Variants in DLGAP2 observed in about 807,000 individuals in gnomAD.
DLGAP2 encodes DLG associated protein 2.
Under a neutral mutation model 100.3 loss-of-function variants are expected in DLGAP2, and 26 were observed. The observed-to-expected ratio is 0.26, with a 90% CI of 0.19 to 0.36. DLGAP2 has a LOEUF of 0.36. DLGAP2 is among the 10% of genes least tolerant of loss of function. The pLI, the probability that DLGAP2 is intolerant of heterozygous loss-of-function variation, is 1.00. For missense variants in DLGAP2, 1,858 were observed against 1,453.2 expected (o/e 1.28, Z -4.53); for synonymous variants, 886 against 630.1 (o/e 1.41, Z -6.08).
At chr8:1,289,776 C>T (rs913260779) in intron 3 of DLGAP2, among the ~76,000 whole-genome samples, 1 of 152,226 alleles carries the variant, frequency 6.6e-6, no homozygotes, top group Non-Finnish European at 1.5e-5. Context: ...AGGAATTGCT[C>T]TGCTGCGGAC....
chr8:826,813 A>G (rs1488497055), intron 1 of DLGAP2, among the ~76,000 whole-genome samples: 3 of 151,050 alleles, frequency 2.0e-5, no homozygotes. Context: ...TTCTTCTTAG[A>G]CCTTTGTCAT....
At chr8:976,732 C>G (rs1172032132) in intron 2 of DLGAP2, among the ~76,000 whole-genome samples, 1 of 152,122 alleles carries the variant, frequency 6.6e-6, no homozygotes, top group African/African-American at 2.4e-5. Flanking sequence ...AACTGGACAT[C>G]TACATGCAAG....
chr8:883,986 C>T lies in DLGAP2; in HGVS notation c.19-23926C>T, dbSNP rs2128994153. ...GACATGATCTCTTTGCTTTTTATAG[C>T]TGCATAGTATTCCATGGTGTATATG... On this transcript the variant is annotated intron_variant, in intron 1 of 14. Coordinates refer to ENST00000637795, the MANE Select transcript of DLGAP2 (RefSeq NM_001346810.2). Among the ~76,000 whole-genome samples, 2 of 152,338 alleles carry T rather than the reference C, an allele frequency of 1.3e-5. 1 individual carries two copies. Among genetic ancestry groups the T allele is most frequent in the South Asian group, 4.1e-4 (2 of 4,828 alleles).
At chr8:877,766 C>T (rs929838254) in intron 1 of DLGAP2, among the ~76,000 whole-genome samples, 3 of 152,172 alleles carry the variant, frequency 2.0e-5, no homozygotes, top group Non-Finnish European at 4.4e-5. Context: ...TAGGTTTAAG[C>T]TTCTTCATAT....
intron 3 of DLGAP2, among the ~76,000 whole-genome samples, chr8:1,490,707 G>A (rs563873425): frequency 3.3e-4 from 50 of 152,298 alleles, no homozygotes; most frequent in African/African-American, 1.2e-3. Context: ...ACTGTCAAAT[G>A]AACTGACCTG....
chr8:743,668 A>G (rs1239201981), intron 1 of DLGAP2, among the ~76,000 whole-genome samples: 1 of 152,156 alleles, frequency 6.6e-6, no homozygotes. Flanking sequence ...GGCTCAAGCG[A>G]TCTTCCCACC....
intron 12 of DLGAP2, 103 bp downstream of exon 12, chr8:1,678,732 C>G (rs1798872521): frequency 1.6e-6 from 2 of 1,248,536 alleles, no homozygotes; most frequent in Non-Finnish European, 2.1e-6. Flanking sequence ...CTTTGGTATT[C>G]AAGTGAAGGG....
At chr8:824,458 C>T (rs1163286314) in intron 1 of DLGAP2, among the ~76,000 whole-genome samples, 5 of 152,148 alleles carry the variant, frequency 3.3e-5, no homozygotes, top group East Asian at 1.9e-4. Flanking sequence ...AATGAGGGAG[C>T]GCGTTGGCTT....
At chr8:1,536,150 G>C (rs529415693) in intron 4 of DLGAP2, among the ~76,000 whole-genome samples, 16 of 152,314 alleles carry the variant, frequency 1.1e-4, no homozygotes, top group African/African-American at 3.6e-4. Flanking sequence ...CAGGAGAACT[G>C]TTGGTTGATG....
chr8:1,053,369 C>G (rs531376697), intron 2 of DLGAP2, among the ~76,000 whole-genome samples: 8 of 152,166 alleles, frequency 5.3e-5, no homozygotes, highest in African/African-American at 1.7e-4. Context: ...ACAGGCAGTA[C>G]AAGTGATGAG....
chr8:1,664,212 G>C (rs1373859527), intron 8 of DLGAP2, among the ~76,000 whole-genome samples: 3 of 152,132 alleles, frequency 2.0e-5, no homozygotes, highest in Non-Finnish European at 4.4e-5. Flanking sequence ...CGTGTCACCT[G>C]GCCCTTCCTG....
At chr8:1,490,382 A>C (rs765924380) in intron 3 of DLGAP2, among the ~76,000 whole-genome samples, 1 of 152,266 alleles carries the variant, frequency 6.6e-6, no homozygotes, top group Non-Finnish European at 1.5e-5. Context: ...TCAGGTGCAG[A>C]AAATTCAGAC....
intron 2 of DLGAP2, chr8:1,248,675 T>A (rs1000034194): frequency 3.7e-5 from 4 of 106,672 alleles, no homozygotes; most frequent in Non-Finnish European, 8.1e-5. Flanking sequence ...GGGTAATGGC[T>A]GAGTTCAGGG....
At chr8:1,182,557 C>T (rs567788669) in intron 2 of DLGAP2, among the ~76,000 whole-genome samples, 1 of 152,118 alleles carries the variant, frequency 6.6e-6, no homozygotes, top group African/African-American at 2.4e-5. Context: ...TGCTGGGTGG[C>T]TGGATTTAGA....
intron 2 of DLGAP2, among the ~76,000 whole-genome samples, chr8:930,655 G>A (rs1452196649): frequency 6.6e-6 from 1 of 151,814 alleles, no homozygotes; most frequent in African/African-American, 2.4e-5. Context: ...GACACAGGCT[G>A]TGGGCCAGAC....
chr8:1,286,260 A>G (rs1241055933), intron 3 of DLGAP2, among the ~76,000 whole-genome samples: 1 of 152,092 alleles, frequency 6.6e-6, no homozygotes, highest in Non-Finnish European at 1.5e-5. Context: ...CATGATTGTA[A>G]GTTTCCTGAG....
At position 1,704,350 on chromosome 8, in the gene DLGAP2, C is replaced by G. The variant is rs1799649033; in HGVS notation, c.*2944C>G. 1.3e-5 allele frequency: 2 copies of G among 152,088 alleles called. No homozygotes were observed. The highest frequency in any genetic ancestry group is 2.9e-5 in the Non-Finnish European group (2 of 68,030). 9.4% of individuals were successfully genotyped at this position (152,088 alleles called of 1,614,324 possible). On this transcript the variant is annotated 3_prime_UTR_variant, in exon 15 of 15. Coordinates refer to ENST00000637795, the MANE Select transcript of DLGAP2 (RefSeq NM_001346810.2). The stretch of plus-strand genomic sequence containing the variant: ...TGATACAGCCAATGACAGGTGAAAC[C>G]CAGACACTCTCCTTAGAGCCGACAG...
chr8:1,677,343 A>G (rs1798834440), intron 11 of DLGAP2, among the ~76,000 whole-genome samples: 1 of 152,088 alleles, frequency 6.6e-6, no homozygotes, highest in African/African-American at 2.4e-5. Flanking sequence ...TGCACCTGGG[A>G]GCCGGGCAGG....
intron 1 of DLGAP2, among the ~76,000 whole-genome samples, chr8:819,230 C>T (rs928982255): frequency 6.6e-6 from 1 of 152,170 alleles, no homozygotes; most frequent in Non-Finnish European, 1.5e-5. Context: ...ATAATAGTAT[C>T]CCTATGTAGT....
Sources: allele counts gnomAD v4.1 joint callset (sites outside exome capture counted in the v4.1 genomes callset), GRCh38; gene constraint gnomAD v4.1.1; transcripts MANE v1.5; gene names NCBI Gene and HGNC (gene_info 2026-07-23, HGNC 2026-07-21).